Variants in TUT4 observed in about 807,000 individuals in gnomAD.
TUT4 encodes terminal uridylyltransferase 4.
TUT4 carries 36 observed loss-of-function variants against 192.2 expected under a neutral mutation model. The observed-to-expected ratio is 0.19, with a 90% CI of 0.14 to 0.25. The LOEUF is 0.25. Among genes scored for constraint, TUT4 ranks in the 10% least tolerant of loss-of-function variants. TUT4 has a pLI of 1.00. For synonymous variants in TUT4, 618 were observed against 666.0 expected, an observed-to-expected ratio of 0.93 and a Z score of 1.11; for missense variants, 1,493 against 1,957.2, an observed-to-expected ratio of 0.76 and a Z score of 4.47.
intron 29 of TUT4, 174 bp from the exon 30 acceptor site, chr1:52,424,176 T>TA (rs1306201532): frequency 6.6e-6 from 4 of 609,648 alleles, no homozygotes; most frequent in Non-Finnish European, 1.1e-5. Flanking sequence ...GGGAAGGAAA[T>TA]ACCTGTATGT....
At chr1:52,425,104 A>G (rs571309800) in intron 29 of TUT4, 10 of 347,422 alleles carry the variant, frequency 2.9e-5, no homozygotes, top group Middle Eastern at 1.5e-3. Flanking sequence ...TGCTAGGGCA[A>G]TGTTAACTGA....
intron 20 of TUT4, among the ~76,000 whole-genome samples, chr1:52,457,974 AAAATATTCTAG>A (rs1279670419): frequency 6.6e-6 from 1 of 152,204 alleles, no homozygotes; most frequent in Non-Finnish European, 1.5e-5. Flanking sequence ...AACAGGAGGG[AAAATATTCTAG>A]AAAGAAGAAA....
At position 52,459,358 on chromosome 1, in the gene TUT4, G is replaced by A. The variant is rs535050979; in HGVS notation, c.3322-909C>T. Among the ~76,000 whole-genome samples the A allele has an allele frequency of 2.2e-4, 33 of 152,034 alleles. 1 individual carries two copies. In the South Asian group the frequency reaches 5.0e-3, roughly 23 times the overall value. ...CATCTCAGCACTTCGAAAGGCTGAGGAGGGTGGATTGCTTGAGCCCAAGAG... is the reference window on the plus strand; with the variant it reads ...CATCTCAGCACTTCGAAAGGCTGAGAAGGGTGGATTGCTTGAGCCCAAGAG... On this transcript the variant is annotated intron_variant, in intron 19 of 29. Transcript: ENST00000257177.
chr1:52,447,883 C>A (rs1329456530), intron 20 of TUT4, among the ~76,000 whole-genome samples: 1 of 152,232 alleles, frequency 6.6e-6, no homozygotes, highest in Non-Finnish European at 1.5e-5. Flanking sequence ...TCTCTTTACC[C>A]TCTACCGTGA....
At chr1:52,533,717 G>A (rs777489321) in intron 1 of TUT4, among the ~76,000 whole-genome samples, 5 of 152,058 alleles carry the variant, frequency 3.3e-5, no homozygotes, top group East Asian at 3.9e-4. Context: ...GCTGTAATCC[G>A]AGCACTTTGG....
chr1:52,531,015 A>T (rs559870324), intron 1 of TUT4, among the ~76,000 whole-genome samples: 29 of 152,244 alleles, frequency 1.9e-4, no homozygotes, highest in Non-Finnish European at 4.0e-4. Context: ...AAAAAAGAAA[A>T]GAAATGAAGG....
chr1:52,470,628 G>C (rs1164339364), intron 14 of TUT4, among the ~76,000 whole-genome samples: 1 of 151,772 alleles, frequency 6.6e-6, no homozygotes. Flanking sequence ...TAATTATACT[G>C]AGTGAAAAAA....
At chr1:52,513,173 C>A (rs1677712595) in intron 3 of TUT4, among the ~76,000 whole-genome samples, 3 of 148,852 alleles carry the variant, frequency 2.0e-5, no homozygotes, top group Admixed American at 1.3e-4. Context: ...GTGGCTCACA[C>A]CTGTAAACTC....
intron 1 of TUT4, among the ~76,000 whole-genome samples, chr1:52,537,500 A>G (rs1685254369): frequency 6.6e-6 from 1 of 152,254 alleles, no homozygotes; most frequent in Admixed American, 6.5e-5. Context: ...AGTTAACACA[A>G]TTGAAAAGAG....
intron 20 of TUT4, among the ~76,000 whole-genome samples, chr1:52,449,825 G>A (rs1040416096): frequency 6.6e-6 from 1 of 152,040 alleles, no homozygotes; most frequent in African/African-American, 2.4e-5. Flanking sequence ...TCTACTTTCT[G>A]TCCCTATGAA....
Position 52,481,976 on chromosome 1 carries a change from G to C in TUT4, c.1516-53C>G. The C allele has an allele frequency of 2.2e-6, 3 of 1,394,876 alleles. No individual in the cohort carries two copies. The South Asian group carries it at 6.1e-5, about 29-fold the overall frequency. The allele number at this position is 1,394,876 out of a possible 1,614,324, so 86.4% of individuals were successfully genotyped here. On this transcript the variant is annotated intron_variant, in intron 9 of 29. Coordinates refer to ENST00000257177, the MANE Select transcript of TUT4 (RefSeq NM_001009881.3). ...ACCATTTAGCTTTCTTAATTTTCAT[G>C]ATAAAAGTAGCTTGCTTTTTCCTAC...
At chr1:52,427,366 T>C (rs1441261093) in intron 28 of TUT4, among the ~76,000 whole-genome samples, 1 of 151,928 alleles carries the variant, frequency 6.6e-6, no homozygotes, top group African/African-American at 2.4e-5. Flanking sequence ...ACAACTTAGA[T>C]AAGCAACCAG....
chr1:52,453,477 G>A (rs1660034159), intron 20 of TUT4, among the ~76,000 whole-genome samples: 1 of 150,270 alleles, frequency 6.7e-6, no homozygotes, highest in Non-Finnish European at 1.5e-5. Context: ...GAAAAGTCAC[G>A]ATCAATAGAT....
intron 4 of TUT4, among the ~76,000 whole-genome samples, chr1:52,504,804 A>ATT (rs1675094003): frequency 6.6e-6 from 1 of 152,114 alleles, no homozygotes; most frequent in Non-Finnish European, 1.5e-5. Flanking sequence ...TACTCTAAAA[A>ATT]CCTCATGTAA....
rs1557851304 is a variant in TUT4, at chr1:52,497,020, G to A, written c.1163C>T (p.Thr388Met). The A allele has an allele frequency of 4.3e-6, 7 of 1,612,588 alleles. No individual in the cohort carries two copies. The highest frequency in any genetic ancestry group is 5.1e-6 in the Non-Finnish European group (6 of 1,179,612). The change falls in exon 5 of 30, where the codon ACG becomes ATG. Residue 388 changes from threonine (T) to methionine (M), a missense_variant. By Grantham distance (81) the Thr-to-Met change is moderately conservative (BLOSUM62 -1). Around this residue, in one of 7 missense-constraint regions of TUT4, gnomAD observed 437 missense variants for 577.6 expected, o/e 0.76. Transcript: ENST00000257177. ...EIVEEMSKVI[T>M]TFLPECSLRL... ...TGTATTTCTACCTGGTAAAAATGTC[G>A]TTATAACCTTTGACATTTCCTCCAC...
intron 14 of TUT4, among the ~76,000 whole-genome samples, chr1:52,469,378 G>A (rs72903643): frequency 0.061 from 9,310 of 152,112 alleles, 309 homozygotes; most frequent in South Asian, 0.086. Context: ...ACATAAGCAC[G>A]GTACTCTAGT....
chr1:52,469,891 CA>C (rs773732659), intron 14 of TUT4, among the ~76,000 whole-genome samples: 12,690 of 69,136 alleles, frequency 0.18, 282 homozygotes, highest in East Asian at 0.31. Context: ...ACTCAGTCTC[CA>C]AAAAAAAAAA....
chr1:52,493,586 G>T, intron 7 of TUT4, 25 bp downstream of exon 7: 6 of 1,300,682 alleles, frequency 4.6e-6, no homozygotes, highest in African/African-American at 1.6e-5. Flanking sequence ...AAAAAAAAAA[G>T]AAAAGAAAAA....
chr1:52,534,655 C>G (rs1361228471), intron 1 of TUT4, among the ~76,000 whole-genome samples: 1 of 151,052 alleles, frequency 6.6e-6, no homozygotes, highest in African/African-American at 2.4e-5. Flanking sequence ...AAGTTCAAAG[C>G]CAGCTCAGGC....
Sources: allele counts gnomAD v4.1 joint callset (sites outside exome capture counted in the v4.1 genomes callset), GRCh38; gene constraint gnomAD v4.1.1; regional missense constraint gnomAD v4.1.1; transcripts MANE v1.5; gene names NCBI Gene and HGNC (gene_info 2026-07-23, HGNC 2026-07-21).